The following COL11A1 variants were observed in gnomAD, a reference collection of about 807,000 sequenced individuals.
COL11A1 encodes collagen alpha-1(XI) chain.
In COL11A1, 74 loss-of-function variants were observed where a neutral mutation model predicts 265.2. The ratio of observed to expected loss-of-function variants is 0.28; its 90% CI spans 0.23 to 0.34. The LOEUF is 0.34. COL11A1 is among the 10% of genes least tolerant of loss of function. The pLI, the probability that COL11A1 is intolerant of heterozygous loss-of-function variation, is 1.00. For synonymous variants in COL11A1, 816 were observed against 727.6 expected, an observed-to-expected ratio of 1.12 and a Z score of -1.96; for missense variants, 2,165 against 2,263.6, an observed-to-expected ratio of 0.96 and a Z score of 0.88.
At chr1:103,000,039 C>A (rs1036976781) in intron 24 of COL11A1, among the ~76,000 whole-genome samples, 1 of 151,714 alleles carries the variant, frequency 6.6e-6, no homozygotes, top group African/African-American at 2.4e-5. Flanking sequence ...TTCTTACCAC[C>A]GGAAATGCAG....
chr1:103,032,681 A>G (rs1212303659), intron 4 of COL11A1, among the ~76,000 whole-genome samples: 5 of 152,066 alleles, frequency 3.3e-5, no homozygotes, highest in Non-Finnish European at 5.9e-5. Flanking sequence ...TGTGGTTACT[A>G]CCTGTGGTGT....
At position 103,082,801 on chromosome 1, in the gene COL11A1, A is replaced by G. The variant is rs955265685; in HGVS notation, c.274+4T>C. 2.5e-6 allele frequency: 4 copies of G among 1,610,288 alleles called. No homozygotes were observed. Among genetic ancestry groups the G allele is most frequent in the Admixed American group, 1.7e-5 (1 of 59,972 alleles). ...TAACAATAATAATAATAAAGTGAAT[A>G]TACCTGGAAATAACTGTTTTGTTGG... is the stretch of plus-strand genomic sequence containing the variant. On this transcript the variant is annotated splice_donor_region_variant and intron_variant, in intron 2 of 66. Transcript: ENST00000370096.
intron 4 of COL11A1, among the ~76,000 whole-genome samples, chr1:103,055,774 C>T (rs188237409): frequency 6.6e-6 from 1 of 152,286 alleles, no homozygotes; most frequent in Admixed American, 6.5e-5. Flanking sequence ...CAAGACAATT[C>T]TTCTCTTCCA....
intron 29 of COL11A1, 62 bp from the exon 30 acceptor site, chr1:102,987,802 G>C: frequency 1.6e-6 from 2 of 1,252,064 alleles, no homozygotes; most frequent in Non-Finnish European, 2.3e-6. Context: ...TTGTAACAGG[G>C]AAAAAATTAT....
At chr1:102,915,757 C>T (rs766954426) in intron 49 of COL11A1, 73 bp from the exon 50 acceptor site, 2 of 1,207,058 alleles carry the variant, frequency 1.7e-6, no homozygotes, top group African/African-American at 1.5e-5. Context: ...CAAATGTTAT[C>T]ATATCATTTT....
At chr1:103,069,036 C>G (rs1272342490) in intron 4 of COL11A1, among the ~76,000 whole-genome samples, 1 of 151,568 alleles carries the variant, frequency 6.6e-6, no homozygotes. Flanking sequence ...CCATTAAAAC[C>G]ACAACTTCTT....
intron 63 of COL11A1, among the ~76,000 whole-genome samples, chr1:102,885,092 T>C (rs1417320256): frequency 2.0e-5 from 3 of 152,172 alleles, no homozygotes; most frequent in South Asian, 2.1e-4. Flanking sequence ...CATTAGCTCA[T>C]ACCCTTTTTT....
At chr1:103,039,823 T>G (rs1473063069) in intron 4 of COL11A1, among the ~76,000 whole-genome samples, 1 of 152,026 alleles carries the variant, frequency 6.6e-6, no homozygotes, top group Non-Finnish European at 1.5e-5. Context: ...ACAAAATGGA[T>G]ATTTGTTTAT....
chr1:102,952,520 G>C (rs1196309482), intron 41 of COL11A1, among the ~76,000 whole-genome samples: 3 of 152,168 alleles, frequency 2.0e-5, no homozygotes, highest in Non-Finnish European at 4.4e-5. Flanking sequence ...TTAGTGTAGA[G>C]AATATATTAC....
At chr1:102,964,586 G>GA in intron 38 of COL11A1, among the ~76,000 whole-genome samples, 1 of 83,844 alleles carries the variant, frequency 1.2e-5, no homozygotes, top group Non-Finnish European at 2.7e-5. Context: ...GTTTCTCTAG[G>GA]GGTGTGTGTG....
intron 36 of COL11A1, among the ~76,000 whole-genome samples, chr1:102,973,940 A>T (rs1226154136): frequency 6.6e-6 from 1 of 152,206 alleles, no homozygotes; most frequent in South Asian, 2.1e-4. Context: ...AGTATTGTTC[A>T]TCTGGACTAG....
At chr1:102,883,623 G>C (rs1570619786) in intron 63 of COL11A1, among the ~76,000 whole-genome samples, 3 of 151,928 alleles carry the variant, frequency 2.0e-5, no homozygotes, top group Admixed American at 1.3e-4. Flanking sequence ...ATTTATCCCT[G>C]TGTAATAAAT....
chr1:103,053,604 C>G (rs1452707743), intron 4 of COL11A1, among the ~76,000 whole-genome samples: 1 of 152,184 alleles, frequency 6.6e-6, no homozygotes, highest in East Asian at 1.9e-4. Context: ...CATAAAACAG[C>G]CAAAAACAGA....
chr1:102,934,407 T>C (rs1570781456), intron 46 of COL11A1, 42 bp downstream of exon 46: 1 of 1,397,270 alleles, frequency 7.2e-7, no homozygotes, highest in Non-Finnish European at 1.0e-6. Context: ...TGGTGAGAAG[T>C]AGGTAGAAAT....
At chr1:103,097,326 A>G (rs1673859199) in intron 1 of COL11A1, among the ~76,000 whole-genome samples, 1 of 151,840 alleles carries the variant, frequency 6.6e-6, no homozygotes, top group East Asian at 1.9e-4. Context: ...CTCCAGACAT[A>G]CTGCCATTTT....
chr1:102,895,007 AGTGT>A (rs35496168), intron 57 of COL11A1, among the ~76,000 whole-genome samples: 2 of 151,962 alleles, frequency 1.3e-5, no homozygotes, highest in Non-Finnish European at 2.9e-5. Flanking sequence ...AGTGTGTGTG[AGTGT>A]GTGTGTGTAC....
intron 44 of COL11A1, among the ~76,000 whole-genome samples, chr1:102,938,460 G>C (rs1478310634): frequency 6.6e-6 from 1 of 152,118 alleles, no homozygotes; most frequent in Admixed American, 6.5e-5. Context: ...GTAAGGAAGT[G>C]CTGAAGCATG....
At chr1:103,099,466 GAT>G (rs71097906) in intron 1 of COL11A1, among the ~76,000 whole-genome samples, 6,677 of 146,590 alleles carry the variant, frequency 0.046, 154 homozygotes, top group Middle Eastern at 0.11. Flanking sequence ...TATATATATG[GAT>G]ATATATATAT....
At position 102,921,546 on chromosome 1, in the gene COL11A1, C is replaced by T; in HGVS notation, c.3680G>A (p.Arg1227Lys). 1.2e-6 allele frequency: 2 copies of T among 1,613,436 alleles called. No individual in the cohort carries two copies. The highest frequency in any genetic ancestry group is 1.7e-6 in the Non-Finnish European group (2 of 1,179,610). The change falls in exon 48 of 67, where the codon AGA becomes AAA. Residue 1227 changes from arginine to lysine, a missense_variant. By Grantham distance (26) the Arg-to-Lys change is conservative. Coordinates refer to ENST00000370096, the MANE Select transcript of COL11A1 (RefSeq NM_001854.4). ...PMGPPGPPGP[R>K]GPQGPNGADG... ...AGCTCCATTGGGACCTTGAGGGCCT[C>T]TTGGGCCTGGAGGACCAGGTGGCCC...
Sources: gnomAD v4.1 joint callset for allele counts (sites outside exome capture counted in the v4.1 genomes callset) on GRCh38, gnomAD v4.1.1 for gene constraint, MANE v1.5 for transcripts, NCBI Gene and HGNC (gene_info 2026-07-23, HGNC 2026-07-21) for gene names.